The following PCDHA4 variants were observed in gnomAD, a reference collection of about 807,000 sequenced individuals.
PCDHA4 encodes the protein protocadherin alpha-4.
Under a neutral mutation model 61.4 loss-of-function variants are expected in PCDHA4, and 49 were observed. The observed-to-expected ratio is 0.80, with a 90% CI of 0.63 to 1.01. The LOEUF (loss-of-function observed/expected upper bound fraction) is 1.01, where lower values mean the gene tolerates loss of function less well. Ranked by LOEUF, PCDHA4 falls within the 50% of genes least tolerant of loss-of-function variation. PCDHA4 has a pLI of 0.00. For synonymous variants in PCDHA4, 590 were observed against 550.3 expected (o/e 1.07, Z -1.01); for missense variants, 1,254 against 1,235.8 (o/e 1.01, Z -0.22).
chr5:140,875,248 G>A, intron 1 of PCDHA4: 5 of 999,174 alleles, frequency 5.0e-6, no homozygotes, highest in Non-Finnish European at 6.9e-6. Flanking sequence ...TACATAATCA[G>A]TCACATGATG....
chr5:140,877,706 T>TG (rs781796819), intron 1 of PCDHA4: 16 of 1,613,800 alleles, frequency 9.9e-6, no homozygotes, highest in Non-Finnish European at 1.4e-5. Context: ...TCCAGCGCCG[T>TG]GGGGAGTTGG....
rs190430267 is a variant in PCDHA4 at position 140,870,766 on chromosome 5, C to A, written c.2385+61194C>A. The A allele has an allele frequency of 3.4e-4, 554 of 1,613,562 alleles. 3 individuals are homozygous for A. The African/African-American group carries it at 6.6e-3, about 19-fold the overall frequency. On this transcript the variant is annotated intron_variant, in intron 1 of 3. Coordinates refer to ENST00000530339, the MANE Select transcript of PCDHA4 (RefSeq NM_018907.4). ...CAACGTGACGCTGCAGGTGTTCGTG[C>A]TGGACGAGAACGACAACGCGCCGGC...
intron 3 of PCDHA4, among the ~76,000 whole-genome samples, chr5:140,998,062 C>A (rs2097795439): frequency 6.6e-6 from 1 of 152,176 alleles, no homozygotes; most frequent in Non-Finnish European, 1.5e-5. Flanking sequence ...TCATCATCAA[C>A]AGACTTAGCC....
At chr5:140,971,641 C>T (rs1554233513) in intron 1 of PCDHA4, among the ~76,000 whole-genome samples, 1 of 152,078 alleles carries the variant, frequency 6.6e-6, no homozygotes, top group African/African-American at 2.4e-5. Context: ...CATGTGCCTA[C>T]ATTAAAAGTA....
chr5:140,843,244 C>T, intron 1 of PCDHA4: 1 of 1,596,022 alleles, frequency 6.3e-7, no homozygotes, highest in Non-Finnish European at 8.6e-7. Context: ...ACGAAGCGGA[C>T]TCTCCGCGCC....
At chr5:140,976,148 C>T (rs1563445972) in intron 1 of PCDHA4, among the ~76,000 whole-genome samples, 1 of 152,160 alleles carries the variant, frequency 6.6e-6, no homozygotes, top group Non-Finnish European at 1.5e-5. Flanking sequence ...AACTCATGTA[C>T]ATTTTACTAC....
intron 3 of PCDHA4, among the ~76,000 whole-genome samples, chr5:140,999,429 A>G (rs1554256798): frequency 6.6e-6 from 1 of 152,190 alleles, no homozygotes. Flanking sequence ...GAGGCCAAGT[A>G]CCTTGCCTCT....
At position 140,809,377 on chromosome 5, in the gene PCDHA4, C is replaced by T. The variant is rs370062696; in HGVS notation, c.2190C>T (p.Gly730=). The T allele has an allele frequency of 7.9e-5, 128 of 1,613,896 alleles. No individual in the cohort carries two copies. The highest frequency in any genetic ancestry group is 9.8e-5 in the Non-Finnish European group (116 of 1,179,932). ...ALRCSALPTE[G]ACAPGKPTLV... ...GGTGCTCTGCGCTGCCCACCGAGGG[C>T]GCGTGCGCTCCGGGCAAGCCCACGC... The change falls in exon 1 of 4, where the codon GGC becomes GGT. Residue 730 remains glycine, a synonymous_variant. Transcript: ENST00000530339.
chr5:140,994,911 A>C (rs527704488), intron 3 of PCDHA4, among the ~76,000 whole-genome samples: 4 of 152,222 alleles, frequency 2.6e-5, no homozygotes, highest in African/African-American at 9.6e-5. Flanking sequence ...TGTAGACTGG[A>C]ATCAGATTTT....
At chr5:140,889,242 TTC>T (rs1195440878) in intron 1 of PCDHA4, among the ~76,000 whole-genome samples, 1 of 151,892 alleles carries the variant, frequency 6.6e-6, no homozygotes, top group African/African-American at 2.4e-5. Flanking sequence ...CCAGAAAATT[TTC>T]TGTTTCCTGT....
chr5:140,842,822 G>T (rs2150345251), intron 1 of PCDHA4: 1 of 1,593,810 alleles, frequency 6.3e-7, no homozygotes. Context: ...GCGGGTGGGC[G>T]AGCGCTCGCT....
At chr5:140,829,657 G>C in intron 1 of PCDHA4, 1 of 1,612,592 alleles carries the variant, frequency 6.2e-7, no homozygotes, top group African/African-American at 1.3e-5. Flanking sequence ...CGCTGCAGCC[G>C]CTGGACCACG....
Position 140,836,307 on chromosome 5 carries a change from G to A in PCDHA4, c.2385+26735G>A, listed in dbSNP as rs148995786. 8.6e-5 allele frequency: 139 copies of A among 1,613,622 alleles called. 1 individual carries two copies. The highest frequency in any genetic ancestry group is 1.3e-4 in the Admixed American group (8 of 60,000). On this transcript the variant is annotated intron_variant, in intron 1 of 3. Coordinates refer to ENST00000530339, the MANE Select transcript of PCDHA4 (RefSeq NM_018907.4). ...GACACGAGCCCTAGATGAGACGGAC[G>A]CACCGCGCCACCGCCTTCTGGTGCT... is the stretch of plus-strand genomic sequence containing the variant.
intron 1 of PCDHA4, chr5:140,813,022 C>A (rs1765213710): frequency 6.6e-6 from 1 of 152,056 alleles, no homozygotes; most frequent in African/African-American, 2.4e-5. Flanking sequence ...GGATTTCAAC[C>A]TTCTTGAATT....
intron 1 of PCDHA4, chr5:140,828,572 G>C: frequency 1.2e-6 from 2 of 1,614,228 alleles, no homozygotes; most frequent in Non-Finnish European, 8.5e-7. Flanking sequence ...GTCCGATGCA[G>C]ATGTTGGCTC....
At chr5:140,941,247 CT>C (rs1398354432) in intron 1 of PCDHA4, among the ~76,000 whole-genome samples, 1 of 128,506 alleles carries the variant, frequency 7.8e-6, no homozygotes, top group African/African-American at 2.9e-5. Context: ...TTCTTTCTTT[CT>C]TTCTTTCTCT....
At chr5:140,940,245 T>A (rs1262681154) in intron 1 of PCDHA4, among the ~76,000 whole-genome samples, 1 of 152,210 alleles carries the variant, frequency 6.6e-6, no homozygotes, top group Non-Finnish European at 1.5e-5. Flanking sequence ...TAAAGTTACC[T>A]CCTCAATATC....
rs148283153 is a variant in PCDHA4, at chr5:140,857,227, G to C, written c.2385+47655G>C. On this transcript the variant is annotated intron_variant, in intron 1 of 3. Transcript: ENST00000530339. ...CCTGCTCTCTGACGCCTCACGTTCCGTTCAAGCTGGTGTCCACCTACAAGA... is the reference window on the plus strand; with the variant it reads ...CCTGCTCTCTGACGCCTCACGTTCCCTTCAAGCTGGTGTCCACCTACAAGA... 3.1e-6 allele frequency: 5 copies of C among 1,598,446 alleles called. 1 individual carries two copies. Among genetic ancestry groups the C allele is most frequent in the South Asian group, 1.1e-5 (1 of 90,546 alleles).
chr5:140,869,205 C>T (rs782278064), intron 1 of PCDHA4: 1 of 1,613,994 alleles, frequency 6.2e-7, no homozygotes, highest in Non-Finnish European at 8.5e-7. Flanking sequence ...TCCACTACTC[C>T]GTCTCGGAGG....
Sources: gnomAD v4.1 joint callset for allele counts (sites outside exome capture counted in the v4.1 genomes callset) on GRCh38, gnomAD v4.1.1 for gene constraint, MANE v1.5 for transcripts, NCBI Gene and HGNC (gene_info 2026-07-23, HGNC 2026-07-21) for gene names.